The following WDR7 variants were observed in gnomAD, a reference collection of about 807,000 sequenced individuals.
The protein encoded by WDR7 is WD repeat domain 7.
WDR7 carries 46 observed loss-of-function variants against 169.4 expected under a neutral mutation model. The ratio of observed to expected loss-of-function variants is 0.27; its 90% CI spans 0.21 to 0.35. The LOEUF (loss-of-function observed/expected upper bound fraction) is 0.35. Among genes scored for constraint, WDR7 ranks in the 10% least tolerant of loss-of-function variants. WDR7 has a pLI of 1.00. For missense variants in WDR7, 1,534 were observed against 1,859.3 expected (o/e 0.83, Z 3.22); for synonymous variants, 612 against 666.8 (o/e 0.92, Z 1.27).
chr18:56,972,325 G>A (rs1005792148), intron 26 of WDR7, among the ~76,000 whole-genome samples: 1 of 152,294 alleles, frequency 6.6e-6, no homozygotes, highest in East Asian at 1.9e-4. Context: ...TAGGGATCTT[G>A]TGGACAGTAA....
At chr18:56,822,533 G>A (rs1438710147) in intron 20 of WDR7, among the ~76,000 whole-genome samples, 1 of 152,226 alleles carries the variant, frequency 6.6e-6, no homozygotes, top group East Asian at 1.9e-4. Flanking sequence ...GGCATATTAT[G>A]TATTCAGAAA....
chr18:56,869,852 T>C (rs999488599), intron 20 of WDR7, among the ~76,000 whole-genome samples: 1 of 152,202 alleles, frequency 6.6e-6, no homozygotes, highest in African/African-American at 2.4e-5. Flanking sequence ...ATTGCAGAGC[T>C]CTAAGTTATG....
Position 56,679,390 on chromosome 18 carries a change from C to T in WDR7, c.218C>T (p.Ala73Val), listed in dbSNP as rs368124696. Residue 73 changes from alanine to valine, a missense_variant, in exon 3 of 28, where the codon GCT (alanine) becomes GTT (valine). Ala to Val is a moderately conservative substitution (Grantham distance 64). Coordinates refer to ENST00000254442, the MANE Select transcript of WDR7 (RefSeq NM_015285.3). ...HTASITCLSK[A>V]CASSDKQYIV... ...GCATCAATCACTTGTTTGTCTAAAG[C>T]TTGTGCTTCCAGTGACAAACAGTAT... is the stretch of plus-strand genomic sequence containing the variant. 8.1e-6 allele frequency: 13 copies of T among 1,612,294 alleles called. No homozygotes were observed. The highest frequency in any genetic ancestry group is 1.1e-5 in the Non-Finnish European group (13 of 1,178,628).
At chr18:56,816,581 G>A (rs944895641) in intron 20 of WDR7, among the ~76,000 whole-genome samples, 2 of 152,198 alleles carry the variant, frequency 1.3e-5, no homozygotes, top group African/African-American at 2.4e-5. Context: ...TACTGTAGAA[G>A]TGAATGCTGC....
chr18:56,696,168 C>A, intron 11 of WDR7, 74 bp from the exon 12 acceptor site: 1 of 1,206,356 alleles, frequency 8.3e-7, no homozygotes, highest in Non-Finnish European at 1.2e-6. Context: ...TCTAAACATT[C>A]ATGTTTACTT....
chr18:56,885,286 A>G (rs1257682308), intron 21 of WDR7, among the ~76,000 whole-genome samples: 1 of 152,134 alleles, frequency 6.6e-6, no homozygotes, highest in African/African-American at 2.4e-5. Context: ...CCAAGAATAA[A>G]TTTCTGAATT....
chr18:57,026,735 A>G (rs2048371284), intron 27 of WDR7, among the ~76,000 whole-genome samples: 1 of 152,184 alleles, frequency 6.6e-6, no homozygotes, highest in Non-Finnish European at 1.5e-5. Context: ...TAAGAGGTAT[A>G]ATTTAGCCCT....
At chr18:56,780,220 T>C (rs550962536) in intron 18 of WDR7, among the ~76,000 whole-genome samples, 1 of 152,348 alleles carries the variant, frequency 6.6e-6, no homozygotes, top group South Asian at 2.1e-4. Context: ...TATTAGATAT[T>C]ACTTGGAATA....
At chr18:56,961,107 A>C (rs2047333282) in intron 25 of WDR7, among the ~76,000 whole-genome samples, 1 of 152,164 alleles carries the variant, frequency 6.6e-6, no homozygotes, top group Admixed American at 6.6e-5. Context: ...AAAGTTTAAA[A>C]ATTTAATGGT....
intron 13 of WDR7, chr18:56,721,769 GTTC>G (rs758940506): frequency 5.3e-5 from 8 of 152,174 alleles, no homozygotes; most frequent in African/African-American, 1.7e-4. Flanking sequence ...GTTACAAAAT[GTTC>G]TTCTTATCTA....
chr18:56,673,775 A>G (rs911687314), intron 2 of WDR7, among the ~76,000 whole-genome samples: 1 of 151,468 alleles, frequency 6.6e-6, no homozygotes, highest in Non-Finnish European at 1.5e-5. Context: ...GGTCCAGGCT[A>G]CTCGTACCAC....
At chr18:56,932,148 T>C (rs2046895108) in intron 22 of WDR7, among the ~76,000 whole-genome samples, 1 of 152,180 alleles carries the variant, frequency 6.6e-6, no homozygotes, top group Non-Finnish European at 1.5e-5. Flanking sequence ...CCCCAACTTT[T>C]GCACTGTGGA....
chr18:56,691,493 G>T, intron 8 of WDR7, 132 bp downstream of exon 8: 1 of 1,146,006 alleles, frequency 8.7e-7, no homozygotes. Context: ...AACTTCTTAA[G>T]TTAGATTTTT....
intron 7 of WDR7, among the ~76,000 whole-genome samples, chr18:56,688,994 T>A (rs2025507189): frequency 6.6e-6 from 1 of 152,092 alleles, no homozygotes; most frequent in Admixed American, 6.6e-5. Flanking sequence ...ACCCAACTCC[T>A]GCAAATCAGG....
intron 13 of WDR7, among the ~76,000 whole-genome samples, chr18:56,728,816 C>T (rs1471566460): frequency 2.0e-5 from 3 of 152,174 alleles, no homozygotes; most frequent in African/African-American, 7.2e-5. Context: ...GCACATGCTT[C>T]TGGGGCTAAA....
At chr18:56,955,296 G>C (rs1043191465) in intron 25 of WDR7, among the ~76,000 whole-genome samples, 1 of 152,018 alleles carries the variant, frequency 6.6e-6, no homozygotes, top group African/African-American at 2.4e-5. Context: ...GTCTTTTAAT[G>C]CTAAAGTTCT....
intron 23 of WDR7, among the ~76,000 whole-genome samples, chr18:56,937,130 T>C (rs1568275793): frequency 6.6e-6 from 1 of 152,324 alleles, no homozygotes; most frequent in South Asian, 2.1e-4. Flanking sequence ...GAGTATTTTT[T>C]TAAAAATGAA....
At chr18:56,959,969 G>A (rs2047316902) in intron 25 of WDR7, among the ~76,000 whole-genome samples, 1 of 152,142 alleles carries the variant, frequency 6.6e-6, no homozygotes, top group African/African-American at 2.4e-5. Context: ...TGAATACTTG[G>A]GAAGTGACTG....
At chr18:56,810,681 A>C (rs1442419829) in intron 19 of WDR7, among the ~76,000 whole-genome samples, 1 of 152,140 alleles carries the variant, frequency 6.6e-6, no homozygotes, top group Non-Finnish European at 1.5e-5. Context: ...TTCTTCAGCT[A>C]TATGGCAGAA....
Sources: gnomAD v4.1 joint callset for allele counts (sites outside exome capture counted in the v4.1 genomes callset) on GRCh38, gnomAD v4.1.1 for gene constraint, MANE v1.5 for transcripts, NCBI Gene and HGNC (gene_info 2026-07-23, HGNC 2026-07-21) for gene names.